CDH8: variants seen among roughly 807,000 people sequenced by gnomAD.
CDH8 encodes the protein cadherin 8.
In CDH8, 17 loss-of-function variants were observed where a neutral mutation model predicts 68.1. That is an observed-to-expected ratio of 0.25 (90% CI 0.17 to 0.37). The LOEUF (loss-of-function observed/expected upper bound fraction) is 0.37, where lower values mean the gene tolerates loss of function less well. Ranked by LOEUF, CDH8 falls within the 10% of genes least tolerant of loss-of-function variation. The probability of loss-of-function intolerance (pLI) is 1.00; values close to 1 mark genes in which losing one functional copy is unlikely to be tolerated. For missense variants in CDH8, 763 were observed against 999.3 expected, an observed-to-expected ratio of 0.76 and a Z score of 3.19; for synonymous variants, 372 against 365.1, an observed-to-expected ratio of 1.02 and a Z score of -0.21.
At chr16:62,024,610 T>C (rs1238396297) in intron 1 of CDH8, among the ~76,000 whole-genome samples, 3 of 152,184 alleles carry the variant, frequency 2.0e-5, no homozygotes, top group Non-Finnish European at 4.4e-5. Flanking sequence ...TAATAGACTC[T>C]GGACCAATGT....
chr16:61,780,131 G>A (rs1164235171), intron 8 of CDH8, among the ~76,000 whole-genome samples: 1 of 151,996 alleles, frequency 6.6e-6, no homozygotes, highest in African/African-American at 2.4e-5. Context: ...AGCATCGAAG[G>A]GCTTTTTTCA....
Position 61,960,015 on chromosome 16 carries a change from T to TATATATATATATAC in CDH8, c.253-58543_253-58542insGTATATATATATAT, listed in dbSNP as rs1198530274. On this transcript the variant is annotated intron_variant, in intron 2 of 11. Coordinates refer to ENST00000577390, the MANE Select transcript of CDH8 (RefSeq NM_001796.5). ...ATATATATATATATATATATATATATACACACATACACACACACACACAAC... is the reference window on the plus strand; with the variant it reads ...ATATATATATATATATATATATATATATATATATATATACACACACATACACACACACACACAAC... 1.5e-3 allele frequency among the ~76,000 whole-genome samples: 110 copies of TATATATATATATAC among 73,220 alleles called. 8 individuals are homozygous for TATATATATATATAC. The highest frequency in any genetic ancestry group is 6.0e-3 in the East Asian group (12 of 2,006). The allele number at this position is 73,220 out of a possible 152,430, so 48.0% of individuals were successfully genotyped here.
rs185453070 is a variant in CDH8, at chr16:61,921,951, A to G, written c.253-20478T>C. On this transcript the variant is annotated intron_variant, in intron 2 of 11. Transcript: ENST00000577390. ...GAGGCTGAGGCAGGAGAATTGCTTGAACCCAGGAGGCGAAGATTGCAGTGA... is the reference window on the plus strand; with the variant it reads ...GAGGCTGAGGCAGGAGAATTGCTTGGACCCAGGAGGCGAAGATTGCAGTGA... Among the ~76,000 whole-genome samples the G allele has an allele frequency of 4.6e-3, 698 of 152,250 alleles. 3 individuals carry two copies. The highest frequency in any genetic ancestry group is 0.016 in the African/African-American group (674 of 41,532).
intron 2 of CDH8, among the ~76,000 whole-genome samples, chr16:61,960,121 G>A (rs202098089): frequency 0.024 from 67 of 2,850 alleles, 1 homozygote; most frequent in Admixed American, 0.026. Context: ...ATATACATAT[G>A]TGTGTGTGTA....
chr16:61,834,378 T>C (rs1038259212), intron 4 of CDH8, among the ~76,000 whole-genome samples: 5 of 151,888 alleles, frequency 3.3e-5, no homozygotes, highest in Non-Finnish European at 7.4e-5. Context: ...CTTGAGATTA[T>C]GCTGGTTTGC....
intron 2 of CDH8, among the ~76,000 whole-genome samples, chr16:62,015,891 A>C (rs1004330839): frequency 2.6e-5 from 4 of 152,192 alleles, no homozygotes; most frequent in Non-Finnish European, 5.9e-5. Context: ...CTGATCTTAA[A>C]GATTACCAAC....
At chr16:61,672,584 A>G (rs1963820085) in intron 10 of CDH8, among the ~76,000 whole-genome samples, 1 of 152,038 alleles carries the variant, frequency 6.6e-6, no homozygotes, top group Admixed American at 6.6e-5. Context: ...TTAAACTAAT[A>G]GTAGTTATTA....
At chr16:61,954,618 C>T (rs981961673) in intron 2 of CDH8, among the ~76,000 whole-genome samples, 4 of 149,354 alleles carry the variant, frequency 2.7e-5, no homozygotes, top group African/African-American at 7.4e-5. Context: ...AGGGGAATGG[C>T]GTGAACCCGG....
intron 7 of CDH8, among the ~76,000 whole-genome samples, chr16:61,789,746 G>A (rs902556986): frequency 2.8e-4 from 42 of 152,206 alleles, no homozygotes; most frequent in African/African-American, 7.5e-4. Flanking sequence ...TTCAAAAATG[G>A]ATGCTGATGA....
chr16:61,733,659 C>T (rs1286592537), intron 8 of CDH8, among the ~76,000 whole-genome samples: 2 of 151,868 alleles, frequency 1.3e-5, no homozygotes, highest in Non-Finnish European at 2.9e-5. Flanking sequence ...CTTGGTCTTG[C>T]TTTTGCCAGT....
chr16:61,796,864 C>T (rs1005423594), intron 7 of CDH8, among the ~76,000 whole-genome samples: 3 of 151,898 alleles, frequency 2.0e-5, no homozygotes, highest in African/African-American at 4.8e-5. Flanking sequence ...AGAGTAGCTT[C>T]GAGAGATCAA....
At chr16:61,972,414 T>TAGTGTAATCA (rs1305021440) in intron 2 of CDH8, among the ~76,000 whole-genome samples, 1 of 152,162 alleles carries the variant, frequency 6.6e-6, no homozygotes, top group Non-Finnish European at 1.5e-5. Context: ...TTGAATGGGG[T>TAGTGTAATCA]AGTGTAATCA....
intron 2 of CDH8, among the ~76,000 whole-genome samples, chr16:61,946,276 G>A (rs1964800007): frequency 6.6e-6 from 1 of 152,118 alleles, no homozygotes; most frequent in African/African-American, 2.4e-5. Context: ...TCAGAAAATT[G>A]TATAGTCAAA....
chr16:61,817,448 G>A (rs1240961032), intron 7 of CDH8, 31 bp downstream of exon 7: 2 of 1,610,504 alleles, frequency 1.2e-6, no homozygotes. Context: ...GTCATTTGCA[G>A]TAGCCAGTAT....
At chr16:61,799,902 C>CT (rs980931953) in intron 7 of CDH8, among the ~76,000 whole-genome samples, 64 of 152,212 alleles carry the variant, frequency 4.2e-4, no homozygotes, top group African/African-American at 1.3e-3. Flanking sequence ...TCTATTAACT[C>CT]TTTTCCCCCC....
chr16:61,988,380 A>C (rs1965661347), intron 2 of CDH8, among the ~76,000 whole-genome samples: 2 of 152,212 alleles, frequency 1.3e-5, no homozygotes, highest in Non-Finnish European at 2.9e-5. Context: ...CAAGTCAGCT[A>C]TTCACCTAGT....
At chr16:61,829,300 G>A (rs186172283) in intron 4 of CDH8, among the ~76,000 whole-genome samples, 56 of 151,740 alleles carry the variant, frequency 3.7e-4, no homozygotes, top group African/African-American at 1.2e-3. Context: ...TACTTCTATC[G>A]CTAGCATCTG....
At chr16:61,665,943 TCA>T (rs1012740127) in intron 10 of CDH8, among the ~76,000 whole-genome samples, 1 of 150,516 alleles carries the variant, frequency 6.6e-6, no homozygotes, top group African/African-American at 2.4e-5. Context: ...TTTCCGTTAC[TCA>T]CAGTCAGCCA....
intron 8 of CDH8, among the ~76,000 whole-genome samples, chr16:61,748,457 G>A (rs1192378995): frequency 6.6e-6 from 1 of 151,872 alleles, no homozygotes; most frequent in East Asian, 1.9e-4. Flanking sequence ...AGGCGCTACA[G>A]ATACCAAACA....
Sources: gnomAD v4.1 joint callset for allele counts (sites outside exome capture counted in the v4.1 genomes callset) on GRCh38, gnomAD v4.1.1 for gene constraint, MANE v1.5 for transcripts, NCBI Gene and HGNC (gene_info 2026-07-23, HGNC 2026-07-21) for gene names.